Variants in SLC30A8 observed in about 807,000 individuals in gnomAD.
SLC30A8 encodes proton-coupled zinc antiporter SLC30A8.
Under a neutral mutation model 36.9 loss-of-function variants are expected in SLC30A8, and 27 were observed. The ratio of observed to expected loss-of-function variants is 0.73; its 90% CI spans 0.54 to 1.01. The LOEUF is 1.01. Among genes scored for constraint, SLC30A8 ranks in the 50% least tolerant of loss-of-function variants. The pLI, the probability that SLC30A8 is intolerant of heterozygous loss-of-function variation, is 0.00. For synonymous variants in SLC30A8, 164 were observed against 172.4 expected (o/e 0.95, Z 0.38); for missense variants, 439 against 452.0 (o/e 0.97, Z 0.26).
intron 1 of SLC30A8, among the ~76,000 whole-genome samples, chr8:117,139,201 C>G (rs905681567): frequency 2.6e-5 from 4 of 152,044 alleles, no homozygotes; most frequent in Non-Finnish European, 5.9e-5. Context: ...ATGTCCCCCA[C>G]AATTATATGT....
At chr8:117,046,644 A>G (rs919945409) in intron 2 of SLC30A8, among the ~76,000 whole-genome samples, 10 of 152,234 alleles carry the variant, frequency 6.6e-5, no homozygotes, top group African/African-American at 2.4e-4. Context: ...AGGCTATTCT[A>G]AGAATCCCCT....
intron 1 of SLC30A8, among the ~76,000 whole-genome samples, chr8:116,959,924 C>A (rs775503866): frequency 2.0e-5 from 3 of 152,192 alleles, no homozygotes; most frequent in Non-Finnish European, 4.4e-5. Context: ...GAGTCTCTTT[C>A]CTCACCTTTC....
intron 4 of SLC30A8, among the ~76,000 whole-genome samples, chr8:117,158,130 T>G (rs6983495): frequency 0.38 from 57,471 of 152,174 alleles, 13,645 homozygotes; most frequent in African/African-American, 0.68. Flanking sequence ...ACAACACCCC[T>G]ATGTTATAGA....
chr8:117,096,992 T>C (rs935239122), intron 2 of SLC30A8, among the ~76,000 whole-genome samples: 9 of 152,080 alleles, frequency 5.9e-5, no homozygotes, highest in Non-Finnish European at 1.3e-4. Flanking sequence ...GCTTATATTC[T>C]AGTGGGGAGG....
At chr8:117,021,457 C>T (rs1816692913) in intron 1 of SLC30A8, among the ~76,000 whole-genome samples, 1 of 152,100 alleles carries the variant, frequency 6.6e-6, no homozygotes. Flanking sequence ...TCTACAAAAA[C>T]AAAAACTGCA....
intron 1 of SLC30A8, among the ~76,000 whole-genome samples, chr8:117,004,621 T>A (rs1268471920): frequency 6.6e-6 from 1 of 152,166 alleles, no homozygotes; most frequent in South Asian, 2.1e-4. Context: ...TCATGGTAAA[T>A]AGTTAATCAT....
rs181087839 is a variant in SLC30A8 at position 116,998,496 on chromosome 8, C to T, written c.-265-40723C>T. On this transcript the variant is annotated intron_variant, in intron 1 of 10. Coordinates refer to the SLC30A8 transcript ENST00000427715. Reference sequence around the variant, plus strand: ...TCTTGGTAACTGTGTCTATAATTCTCTTCAATTTCATCTAAGGGCCTATGC... The same window carrying T: ...TCTTGGTAACTGTGTCTATAATTCTTTTCAATTTCATCTAAGGGCCTATGC... 2.0e-3 allele frequency among the ~76,000 whole-genome samples: 303 copies of T among 152,322 alleles called. 1 individual carries two copies. The highest frequency in any genetic ancestry group is 6.9e-3 in the African/African-American group (287 of 41,580).
At chr8:117,055,350 C>T (rs1038417124) in intron 2 of SLC30A8, among the ~76,000 whole-genome samples, 5 of 152,156 alleles carry the variant, frequency 3.3e-5, no homozygotes, top group East Asian at 3.9e-4. Context: ...GTGGAGTGCT[C>T]GGTTTCAACT....
intron 2 of SLC30A8, among the ~76,000 whole-genome samples, chr8:117,080,389 G>T (rs973993142): frequency 5.3e-5 from 8 of 151,842 alleles, no homozygotes; most frequent in Non-Finnish European, 1.0e-4. Flanking sequence ...AACAAACACA[G>T]GTTTGTTACA....
At chr8:117,013,317 C>G (rs900378239) in intron 1 of SLC30A8, among the ~76,000 whole-genome samples, 1 of 152,140 alleles carries the variant, frequency 6.6e-6, no homozygotes, top group Non-Finnish European at 1.5e-5. Flanking sequence ...TTATCTGTCT[C>G]TACTGCATGA....
Position 117,105,032 on chromosome 8 carries a change from C to T in SLC30A8, c.-225-30248C>T, listed in dbSNP as rs550455610. On this transcript the variant is annotated intron_variant, in intron 2 of 10. Transcript: ENST00000427715. ...GGACCACCAGAGGTCACTTTTGTCACCATCTTGGTTTTGGTGGGTTTTGGC... is the reference window on the plus strand; with the variant it reads ...GGACCACCAGAGGTCACTTTTGTCATCATCTTGGTTTTGGTGGGTTTTGGC... Among the ~76,000 whole-genome samples the T allele has an allele frequency of 8.7e-4, 132 of 152,222 alleles. 2 individuals are homozygous for T. The highest frequency in any genetic ancestry group is 2.4e-3 in the Admixed American group (36 of 15,290).
rs1421018941 is a variant in SLC30A8, at chr8:117,171,107, C to T, written c.903C>T (p.His301=). Residue 301 remains histidine (H), a synonymous_variant, in exon 7 of 8, where the codon CAC becomes CAT. Coordinates refer to ENST00000456015, the MANE Select transcript of SLC30A8 (RefSeq NM_173851.3). ...CAGTCGACGGGGTGCTGTCTGTGCA[C>T]AGCCTGCACATCTGGTCTCTAACAA... ...ILAVDGVLSV[H]SLHIWSLTMN... The T allele has an allele frequency of 2.5e-6, 4 of 1,613,216 alleles. No individual in the cohort carries two copies. Among genetic ancestry groups the T allele is most frequent in the Non-Finnish European group, 2.5e-6 (3 of 1,179,390 alleles).
chr8:117,166,937 C>T (rs1374158242), intron 6 of SLC30A8, among the ~76,000 whole-genome samples: 1 of 151,460 alleles, frequency 6.6e-6, no homozygotes, highest in African/African-American at 2.4e-5. Flanking sequence ...ATAGTGTTGA[C>T]AACAGTGAAA....
At chr8:117,087,347 G>A (rs528655662) in intron 2 of SLC30A8, among the ~76,000 whole-genome samples, 3 of 152,146 alleles carry the variant, frequency 2.0e-5, no homozygotes, top group Non-Finnish European at 4.4e-5. Flanking sequence ...TGTGGCAACC[G>A]ATGACCACAA....
chr8:116,994,420 C>A (rs1022303810), intron 1 of SLC30A8, among the ~76,000 whole-genome samples: 1 of 152,010 alleles, frequency 6.6e-6, no homozygotes, highest in Non-Finnish European at 1.5e-5. Context: ...AATGGAAAAA[C>A]AAATTGTGGC....
At chr8:117,092,224 A>T (rs556194562) in intron 2 of SLC30A8, among the ~76,000 whole-genome samples, 2 of 152,198 alleles carry the variant, frequency 1.3e-5, no homozygotes, top group East Asian at 3.8e-4. Context: ...AATACAAATT[A>T]TATTTTCAGT....
At chr8:117,165,377 C>T (rs957977744) in intron 6 of SLC30A8, among the ~76,000 whole-genome samples, 2 of 152,158 alleles carry the variant, frequency 1.3e-5, no homozygotes, top group African/African-American at 4.8e-5. Flanking sequence ...AAACACTGTA[C>T]TGTATATTTA....
At chr8:117,069,096 A>G (rs1209789300) in intron 2 of SLC30A8, among the ~76,000 whole-genome samples, 1 of 152,194 alleles carries the variant, frequency 6.6e-6, no homozygotes, top group Non-Finnish European at 1.5e-5. Context: ...CTCTTTGAGT[A>G]ATTTTTTACT....
At chr8:116,951,147 A>G (rs958342896) in intron 1 of SLC30A8, 1 of 152,094 alleles carries the variant, frequency 6.6e-6, no homozygotes, top group African/African-American at 2.4e-5. Context: ...CTGGGCTTCA[A>G]TTTTCTCATT....
Sources: allele counts gnomAD v4.1 joint callset (sites outside exome capture counted in the v4.1 genomes callset), GRCh38; gene constraint gnomAD v4.1.1; transcripts MANE v1.5; gene names NCBI Gene and HGNC (gene_info 2026-07-23, HGNC 2026-07-21).